Variants in SUGCT observed in about 807,000 individuals in gnomAD.
SUGCT encodes the protein succinyl-CoA:glutarate CoA-transferase.
In SUGCT, 41 loss-of-function variants were observed where a neutral mutation model predicts 55.0. The ratio of observed to expected loss-of-function variants is 0.74; its 90% confidence interval spans 0.58 to 0.97. SUGCT has a LOEUF of 0.97. Among genes scored for constraint, SUGCT ranks in the 50% least tolerant of loss-of-function variants. The pLI is 0.00. For synonymous variants in SUGCT, 187 were observed against 200.4 expected (o/e 0.93, Z 0.56); for missense variants, 568 against 547.8 (o/e 1.04, Z -0.37).
chr7:40,478,092 A>G (rs1790806329), intron 11 of SUGCT, among the ~76,000 whole-genome samples: 3 of 152,274 alleles, frequency 2.0e-5, no homozygotes, highest in South Asian at 2.1e-4. Flanking sequence ...TCTTGGGCTC[A>G]AGGGATCCTC....
intron 13 of SUGCT, among the ~76,000 whole-genome samples, chr7:40,754,188 A>G (rs930210078): frequency 1.3e-5 from 2 of 152,182 alleles, no homozygotes; most frequent in South Asian, 4.1e-4. Flanking sequence ...CCTATTATAC[A>G]GTTAAAAGTG....
chr7:40,824,256 A>G lies in SUGCT; in HGVS notation c.1154-36060A>G, dbSNP rs1200793107. Among the ~76,000 whole-genome samples, 3 of 152,132 alleles carry G rather than the reference A, an allele frequency of 2.0e-5. No individual in the cohort carries two copies. The East Asian group carries it at 5.8e-4, about 29-fold the overall frequency. ...ACTCATTAAGGAAAGAAATTTGTCT[A>G]TAGCAGTAAAGCTGATGGATGTTCT... On this transcript the variant is annotated intron_variant, in intron 13 of 13. Transcript: ENST00000335693.
At chr7:40,160,757 C>T (rs950531057) in intron 1 of SUGCT, among the ~76,000 whole-genome samples, 1 of 151,918 alleles carries the variant, frequency 6.6e-6, no homozygotes, top group Non-Finnish European at 1.5e-5. Flanking sequence ...AAAAGATGTT[C>T]AATTTCAGAA....
chr7:40,920,205 TTG>T, the SUGCT span, among the ~76,000 whole-genome samples: 1 of 152,156 alleles, frequency 6.6e-6, no homozygotes. Flanking sequence ...ACTGGTTAGA[TTG>T]TCATTTTCTC....
chr7:40,269,515 G>A (rs1435393557), intron 7 of SUGCT, among the ~76,000 whole-genome samples: 1 of 151,990 alleles, frequency 6.6e-6, no homozygotes, highest in Non-Finnish European at 1.5e-5. Context: ...TAGAGATGTG[G>A]ACTTGCTTTT....
intron 9 of SUGCT, among the ~76,000 whole-genome samples, chr7:40,350,966 C>G (rs1005768590): frequency 6.6e-6 from 1 of 152,022 alleles, no homozygotes; most frequent in Non-Finnish European, 1.5e-5. Flanking sequence ...AGGACATGAA[C>G]CCATCCTTTT....
At chr7:40,523,074 T>C (rs765374134) in intron 12 of SUGCT, among the ~76,000 whole-genome samples, 4 of 152,102 alleles carry the variant, frequency 2.6e-5, no homozygotes, top group Non-Finnish European at 4.4e-5. Flanking sequence ...ATAGTGTCAA[T>C]GGAATTAAGA....
intron 1 of SUGCT, among the ~76,000 whole-genome samples, chr7:40,158,835 A>G (rs1784019355): frequency 6.6e-6 from 1 of 152,232 alleles, no homozygotes; most frequent in African/African-American, 2.4e-5. Context: ...TATTTTTTCA[A>G]TTGTTAAAAT....
the SUGCT span, among the ~76,000 whole-genome samples, chr7:40,868,773 C>T: frequency 6.6e-6 from 1 of 152,136 alleles, no homozygotes; most frequent in Non-Finnish European, 1.5e-5. Flanking sequence ...TCTCAAAATT[C>T]CTGGCCTCAA....
intron 6 of SUGCT, among the ~76,000 whole-genome samples, chr7:40,228,464 T>A (rs1393161557): frequency 6.6e-6 from 1 of 152,174 alleles, no homozygotes; most frequent in Non-Finnish European, 1.5e-5. Flanking sequence ...TTTTGTTCTT[T>A]ATAAACTGAT....
At chr7:40,377,128 CTCTT>C (rs530455909) in intron 9 of SUGCT, among the ~76,000 whole-genome samples, 779 of 6,286 alleles carry the variant, frequency 0.12, 187 homozygotes, top group Middle Eastern at 0.5. Context: ...TTCAGCCTTC[CTCTT>C]TCTTTCTTTC....
At chr7:40,546,479 G>A (rs1023007728) in intron 12 of SUGCT, among the ~76,000 whole-genome samples, 1 of 152,172 alleles carries the variant, frequency 6.6e-6, no homozygotes, top group Non-Finnish European at 1.5e-5. Context: ...AAAGCCTGAA[G>A]TCCAAAAGAG....
At position 40,570,850 on chromosome 7, in the gene SUGCT, C is replaced by CTTTTTTTTTTTTTTTTTTT. The variant is rs776733346; in HGVS notation, c.1089+74473_1089+74491dup. Among the ~76,000 whole-genome samples, 12 of 52,304 alleles carry CTTTTTTTTTTTTTTTTTTT rather than the reference C, an allele frequency of 2.3e-4. 4 individuals carry two copies. The highest frequency in any genetic ancestry group is 1.0e-3 in the African/African-American group (12 of 11,528). 34.3% of individuals were successfully genotyped at this position (52,304 alleles called of 152,430 possible). A position where few individuals can be genotyped will look rare whatever the true frequency, so the allele number is the denominator to read the frequency against. On this transcript the variant is annotated intron_variant, in intron 12 of 13. Transcript: ENST00000335693. ...CCCCTCTGGGCAAAAGCTTTAGGCT[C>CTTTTTTTTTTTTTTTTTTT]TTTTTTTTTTTTTTTTTTTTTTTTT...
At chr7:40,676,382 G>A (rs13239043) in intron 12 of SUGCT, among the ~76,000 whole-genome samples, 54,264 of 151,796 alleles carry the variant, frequency 0.36, 12,607 homozygotes, top group African/African-American at 0.67. Context: ...GCCAATATAT[G>A]TTTTCAATTC....
At chr7:40,536,055 A>C (rs888414299) in intron 12 of SUGCT, among the ~76,000 whole-genome samples, 8 of 152,190 alleles carry the variant, frequency 5.3e-5, no homozygotes, top group African/African-American at 1.9e-4. Flanking sequence ...AATTTCATAT[A>C]GATTCTGGAT....
chr7:40,685,740 T>C (rs775933595), intron 12 of SUGCT, among the ~76,000 whole-genome samples: 18 of 152,162 alleles, frequency 1.2e-4, no homozygotes, highest in Non-Finnish European at 2.5e-4. Context: ...CTTTGACTCA[T>C]TTACACATAA....
chr7:40,330,433 A>G (rs931686554), intron 9 of SUGCT, among the ~76,000 whole-genome samples: 3 of 152,136 alleles, frequency 2.0e-5, no homozygotes, highest in Non-Finnish European at 2.9e-5. Flanking sequence ...AGGTCTGCAT[A>G]TTAGGAAAGA....
chr7:40,562,429 G>A (rs1034992640), intron 12 of SUGCT, among the ~76,000 whole-genome samples: 8 of 152,144 alleles, frequency 5.3e-5, no homozygotes, highest in Admixed American at 5.2e-4. Flanking sequence ...CTGGTGTGAT[G>A]GCAGTTTCTT....
At chr7:40,246,251 C>CTTTTTTT (rs11387100) in intron 7 of SUGCT, among the ~76,000 whole-genome samples, 4 of 147,230 alleles carry the variant, frequency 2.7e-5, no homozygotes, top group Non-Finnish European at 4.5e-5. Context: ...ATAGCATGTT[C>CTTTTTTT]TTTTTTTTTT....
Sources: allele counts gnomAD v4.1 joint callset (sites outside exome capture counted in the v4.1 genomes callset), GRCh38; gene constraint gnomAD v4.1.1; transcripts MANE v1.5; gene names NCBI Gene and HGNC (gene_info 2026-07-23, HGNC 2026-07-21).